Variants in CNTN6 observed in about 807,000 individuals in gnomAD.
CNTN6 encodes the protein contactin 6, also known as contactin-6.
A neutral mutation model predicts 122.8 loss-of-function variants in CNTN6; 137 were observed. That is an observed-to-expected ratio of 1.12 (90% CI 0.97 to 1.29). CNTN6 has a LOEUF of 1.29. Ranked by LOEUF, CNTN6 falls within the 50% of genes most tolerant of loss-of-function variation. The pLI is 0.00. For synonymous variants in CNTN6, 570 were observed against 426.0 expected (o/e 1.34, Z -4.16); for missense variants, 1,634 against 1,223.4 (o/e 1.34, Z -5.01).
At chr3:1,374,745 T>A (rs1264781577) in intron 16 of CNTN6, among the ~76,000 whole-genome samples, 1 of 152,090 alleles carries the variant, frequency 6.6e-6, no homozygotes, top group African/African-American at 2.4e-5. Flanking sequence ...TTCGATCACA[T>A]AAACAAAGGA....
rs1346351050 is a variant in CNTN6 at position 1,349,389 on chromosome 3, C to T, written c.1365-2935C>T. On this transcript the variant is annotated intron_variant, in intron 11 of 22. Transcript: ENST00000446702. ...TAGCCAAGCTTATCTATTCTTCTGG[C>T]TGTGTGTGTTTTTTTTTAAATGCCA... Among the ~76,000 whole-genome samples, 10 of 150,852 alleles carry T rather than the reference C, an allele frequency of 6.6e-5. No individual in the cohort carries two copies. In the South Asian group the frequency reaches 2.1e-3, roughly 31 times the overall value.
chr3:1,214,301 CTTTTTTTT>C (rs34799447), intron 2 of CNTN6, among the ~76,000 whole-genome samples: 9 of 44,026 alleles, frequency 2.0e-4, no homozygotes, highest in Non-Finnish European at 3.4e-4. Flanking sequence ...TGTTGGATGT[CTTTTTTTT>C]TTTTTTTTTT....
At chr3:1,195,879 A>G (rs1034384863) in intron 2 of CNTN6, among the ~76,000 whole-genome samples, 15 of 152,178 alleles carry the variant, frequency 9.9e-5, no homozygotes, top group African/African-American at 3.1e-4. Context: ...TGTACCAGAT[A>G]TCTCTGCAGC....
intron 1 of CNTN6, among the ~76,000 whole-genome samples, chr3:1,147,465 G>T (rs924121066): frequency 3.3e-5 from 5 of 152,036 alleles, no homozygotes; most frequent in African/African-American, 1.2e-4. Context: ...TATGAGTTTA[G>T]GAGTTTTTAT....
intron 4 of CNTN6, among the ~76,000 whole-genome samples, chr3:1,272,118 C>G (rs1243197761): frequency 1.3e-5 from 2 of 152,210 alleles, no homozygotes; most frequent in South Asian, 2.1e-4. Flanking sequence ...TAAGACATGC[C>G]TTTGCTCCTC....
chr3:1,097,975 G>A (rs1001332254), intron 1 of CNTN6, among the ~76,000 whole-genome samples: 1 of 151,892 alleles, frequency 6.6e-6, no homozygotes, highest in Non-Finnish European at 1.5e-5. Context: ...ATAGAGCTCA[G>A]GAAAAATGGT....
At chr3:1,280,932 A>G (rs1693300274) in intron 5 of CNTN6, among the ~76,000 whole-genome samples, 1 of 152,132 alleles carries the variant, frequency 6.6e-6, no homozygotes, top group African/African-American at 2.4e-5. Context: ...GCATTTGTCC[A>G]ATGTCAAAGC....
chr3:1,138,293 A>C, intron 1 of CNTN6, among the ~76,000 whole-genome samples: 1 of 152,292 alleles, frequency 6.6e-6, no homozygotes, highest in South Asian at 2.1e-4. Flanking sequence ...CAACTATGTA[A>C]AAAGAAAAGC....
At chr3:1,386,075 T>A (rs985139451) in intron 20 of CNTN6, among the ~76,000 whole-genome samples, 3 of 152,212 alleles carry the variant, frequency 2.0e-5, no homozygotes, top group Non-Finnish European at 2.9e-5. Flanking sequence ...GCCCTCCTTC[T>A]AAATGCATTC....
At chr3:1,143,110 C>T (rs1159196768) in intron 1 of CNTN6, among the ~76,000 whole-genome samples, 3 of 151,678 alleles carry the variant, frequency 2.0e-5, no homozygotes, top group Non-Finnish European at 1.5e-5. Context: ...TAAGCAACCA[C>T]ACATTGCTTG....
At chr3:1,181,280 C>T (rs2093549551) in intron 2 of CNTN6, among the ~76,000 whole-genome samples, 2 of 152,164 alleles carry the variant, frequency 1.3e-5, no homozygotes, top group African/African-American at 4.8e-5. Flanking sequence ...CTCCACTACA[C>T]AACTCACTTA....
At chr3:1,310,110 T>G (rs1698998297) in intron 7 of CNTN6, among the ~76,000 whole-genome samples, 1 of 152,056 alleles carries the variant, frequency 6.6e-6, no homozygotes, top group Admixed American at 6.5e-5. Flanking sequence ...ACATTTTTTT[T>G]GCCTTTTCTT....
At chr3:1,224,472 C>T (rs2094252207) in intron 3 of CNTN6, among the ~76,000 whole-genome samples, 1 of 152,058 alleles carries the variant, frequency 6.6e-6, no homozygotes, top group African/African-American at 2.4e-5. Flanking sequence ...TGAATATGCT[C>T]ATTACTCTGA....
rs765087860 is a variant in CNTN6, at chr3:1,220,755, T to C, written c.124T>C (p.Ser42Pro). The change falls in exon 3 of 23, where the codon TCA becomes CCA. Residue 42 changes from serine to proline, a missense_variant. Transcript: ENST00000446702. Reference protein sequence around the residue: ...PHDVIFPLDLSKSEVILNCAA... With the variant: ...PHDVIFPLDLPKSEVILNCAA... Reference sequence around the variant, plus strand: ...TGATGTCATTTTTCCTTTGGATTTATCAAAATCTGAGGTCATCCTGAATTG... The same window carrying C: ...TGATGTCATTTTTCCTTTGGATTTACCAAAATCTGAGGTCATCCTGAATTG... 1 of 1,613,184 alleles carries C rather than the reference T, an allele frequency of 6.2e-7. No homozygotes were observed. The highest frequency in any genetic ancestry group is 8.5e-7 in the Non-Finnish European group (1 of 1,179,556).
chr3:1,193,156 A>G (rs1285888757), intron 2 of CNTN6, among the ~76,000 whole-genome samples: 1 of 152,214 alleles, frequency 6.6e-6, no homozygotes, highest in East Asian at 1.9e-4. Flanking sequence ...TAACCAAATT[A>G]AGCGCAGGTT....
At chr3:1,098,000 A>G (rs556589679) in intron 1 of CNTN6, among the ~76,000 whole-genome samples, 2 of 151,714 alleles carry the variant, frequency 1.3e-5, no homozygotes, top group Non-Finnish European at 2.9e-5. Context: ...AGATATAGAG[A>G]TGCTGGTCTC....
intron 12 of CNTN6, among the ~76,000 whole-genome samples, chr3:1,362,925 A>C (rs1182515821): frequency 2.6e-5 from 4 of 151,882 alleles, no homozygotes; most frequent in Non-Finnish European, 5.9e-5. Context: ...AAACAAGACT[A>C]GCAGTTGATA....
intron 12 of CNTN6, among the ~76,000 whole-genome samples, chr3:1,363,890 G>T (rs1284140632): frequency 6.6e-6 from 1 of 151,846 alleles, no homozygotes; most frequent in Admixed American, 6.6e-5. Context: ...GTATGTAAGA[G>T]CTCCCTTTTT....
At chr3:1,150,446 C>T (rs929567735) in intron 2 of CNTN6, among the ~76,000 whole-genome samples, 1 of 152,148 alleles carries the variant, frequency 6.6e-6, no homozygotes, top group Non-Finnish European at 1.5e-5. Context: ...CCTCTCCCCT[C>T]ATTTTCTAAA....
Sources: gnomAD v4.1 joint callset for allele counts (sites outside exome capture counted in the v4.1 genomes callset) on GRCh38, gnomAD v4.1.1 for gene constraint, MANE v1.5 for transcripts, NCBI Gene and HGNC (gene_info 2026-07-23, HGNC 2026-07-21) for gene names.